NRG1: variants seen among roughly 807,000 people sequenced by gnomAD.
The protein encoded by NRG1 is pro-neuregulin-1, membrane-bound isoform.
NRG1 carries 18 observed loss-of-function variants against 63.8 expected under a neutral mutation model. The ratio of observed to expected loss-of-function variants is 0.28; its 90% confidence interval spans 0.19 to 0.42. The LOEUF is 0.42. Ranked by LOEUF, NRG1 falls within the 10% of genes least tolerant of loss-of-function variation. The pLI is 1.00. For missense variants in NRG1, 762 were observed against 814.7 expected (o/e 0.94, Z 0.79); for synonymous variants, 302 against 301.3 (o/e 1.00, Z -0.02).
chr8:32,275,136 C>A (rs545792386), intron 1 of NRG1, among the ~76,000 whole-genome samples: 4 of 152,098 alleles, frequency 2.6e-5, no homozygotes, highest in African/African-American at 9.7e-5. Context: ...AAGATACTGT[C>A]GGGTGATCAG....
chr8:32,240,754 A>G (rs1476373273), intron 1 of NRG1, among the ~76,000 whole-genome samples: 1 of 152,134 alleles, frequency 6.6e-6, no homozygotes, highest in Non-Finnish European at 1.5e-5. Flanking sequence ...ATTTTTTTAG[A>G]ATTTCCTGTC....
At chr8:32,068,822 G>A (rs145590167) in intron 1 of NRG1, among the ~76,000 whole-genome samples, 4 of 152,242 alleles carry the variant, frequency 2.6e-5, no homozygotes, top group East Asian at 1.9e-4. Flanking sequence ...CGTTAGCTAC[G>A]TAACTAAGTC....
In NRG1 at chr8:32,482,398, T is replaced by TTGTGTGTGTGTGTGTGTGTG. The variant is rs10689849; in HGVS notation, c.38-113422_38-113403dup. On this transcript the variant is annotated intron_variant, in intron 1 of 10. Coordinates refer to the NRG1 transcript ENST00000519301. ...GGGGTTGTTTTCTTTCTTTCTACTT[T>TTGTGTGTGTGTGTGTGTGTG]TGTGTGTGTGTGTGTGTGTGTGTGT... Among the ~76,000 whole-genome samples the TTGTGTGTGTGTGTGTGTGTG allele has an allele frequency of 7.6e-3, 1,123 of 148,284 alleles. 19 individuals are homozygous for TTGTGTGTGTGTGTGTGTGTG. The highest frequency in any genetic ancestry group is 0.027 in the African/African-American group (1,058 of 39,604).
At chr8:32,218,912 T>C (rs961795714) in intron 1 of NRG1, among the ~76,000 whole-genome samples, 2 of 152,182 alleles carry the variant, frequency 1.3e-5, no homozygotes, top group African/African-American at 4.8e-5. Context: ...TCAGGATGCA[T>C]GGCAGTACCC....
At chr8:32,561,062 A>G (rs1033095840) in intron 1 of NRG1, among the ~76,000 whole-genome samples, 10 of 152,200 alleles carry the variant, frequency 6.6e-5, no homozygotes, top group Non-Finnish European at 1.3e-4. Context: ...ATCTGCTCGA[A>G]TCTCATCTTT....
At chr8:31,797,824 T>C (rs1267521310) in intron 1 of NRG1, among the ~76,000 whole-genome samples, 4 of 152,216 alleles carry the variant, frequency 2.6e-5, no homozygotes, top group Non-Finnish European at 1.5e-5. Context: ...AAAATGTATG[T>C]ATACAGAATG....
At chr8:32,019,079 A>G (rs955021846) in intron 1 of NRG1, among the ~76,000 whole-genome samples, 7 of 151,978 alleles carry the variant, frequency 4.6e-5, no homozygotes, top group Non-Finnish European at 8.8e-5. Context: ...TGGTTTGTTC[A>G]TCTTTCTTAT....
chr8:31,708,779 G>T (rs1403633239), intron 1 of NRG1, among the ~76,000 whole-genome samples: 2 of 152,132 alleles, frequency 1.3e-5, no homozygotes, highest in East Asian at 3.9e-4. Flanking sequence ...TTATTGTTGA[G>T]TTTTTTGTTA....
chr8:32,656,416 G>A (rs1414820529), intron 5 of NRG1, among the ~76,000 whole-genome samples: 2 of 152,042 alleles, frequency 1.3e-5, no homozygotes, highest in African/African-American at 2.4e-5. Flanking sequence ...TTACTAGCTG[G>A]ATTATTGGCC....
At chr8:32,160,086 T>C (rs1838660578) in intron 1 of NRG1, among the ~76,000 whole-genome samples, 1 of 151,914 alleles carries the variant, frequency 6.6e-6, no homozygotes, top group African/African-American at 2.4e-5. Context: ...TGGGGAGAAA[T>C]AGTGGGATGA....
intron 1 of NRG1, among the ~76,000 whole-genome samples, chr8:32,304,616 G>C (rs1466314590): frequency 6.6e-6 from 1 of 152,000 alleles, no homozygotes; most frequent in Admixed American, 6.6e-5. Flanking sequence ...AAATATTTGG[G>C]CTGAAATATT....
At chr8:32,272,598 A>G (rs930976294) in intron 1 of NRG1, among the ~76,000 whole-genome samples, 1 of 152,192 alleles carries the variant, frequency 6.6e-6, no homozygotes, top group African/African-American at 2.4e-5. Context: ...AACTGAGAGG[A>G]CACTGAGTTT....
chr8:31,674,890 G>A (rs1322505674), intron 1 of NRG1, among the ~76,000 whole-genome samples: 1 of 152,186 alleles, frequency 6.6e-6, no homozygotes, highest in African/African-American at 2.4e-5. Context: ...ACCTTGTACT[G>A]TGGGGTAGCA....
chr8:31,862,441 A>G (rs1828550729), intron 1 of NRG1, among the ~76,000 whole-genome samples: 1 of 152,228 alleles, frequency 6.6e-6, no homozygotes, highest in African/African-American at 2.4e-5. Flanking sequence ...CTAAGTTGTG[A>G]CAAAATATCT....
intron 1 of NRG1, among the ~76,000 whole-genome samples, chr8:32,216,836 C>A (rs927782500): frequency 6.6e-6 from 1 of 151,736 alleles, no homozygotes; most frequent in Non-Finnish European, 1.5e-5. Context: ...GCCAGCCTAA[C>A]AAAAATAATT....
chr8:32,052,201 A>G (rs975444584), intron 1 of NRG1, among the ~76,000 whole-genome samples: 9 of 151,752 alleles, frequency 5.9e-5, no homozygotes, highest in Admixed American at 1.3e-4. Flanking sequence ...TGTAAGAGCC[A>G]TATGGTTGGG....
chr8:32,233,563 A>ATATATATATATATT (rs34593729), intron 1 of NRG1, among the ~76,000 whole-genome samples: 30 of 67,242 alleles, frequency 4.5e-4, no homozygotes, highest in South Asian at 1.8e-3. Flanking sequence ...ATATATATAT[A>ATATATATATATATT]TTTTTTTTTT....
At chr8:32,425,466 T>G (rs1187001796) in intron 1 of NRG1, among the ~76,000 whole-genome samples, 1 of 152,224 alleles carries the variant, frequency 6.6e-6, no homozygotes, top group Non-Finnish European at 1.5e-5. Flanking sequence ...GATCAGGGGT[T>G]AGCAAACTGC....
chr8:31,715,259 A>G (rs1812239945), intron 1 of NRG1, among the ~76,000 whole-genome samples: 1 of 152,166 alleles, frequency 6.6e-6, no homozygotes, highest in South Asian at 2.1e-4. Context: ...AACAAGACAA[A>G]GTTTCTTTGA....
Sources: gnomAD v4.1 joint callset for allele counts (sites outside exome capture counted in the v4.1 genomes callset) on GRCh38, gnomAD v4.1.1 for gene constraint, MANE v1.5 for transcripts, NCBI Gene and HGNC (gene_info 2026-07-23, HGNC 2026-07-21) for gene names.